The following ATP9B variants were observed in gnomAD, a reference collection of about 807,000 sequenced individuals.
The protein encoded by ATP9B is ATPase phospholipid transporting 9B, also known as probable phospholipid-transporting ATPase IIB.
A neutral mutation model predicts 146.1 loss-of-function variants in ATP9B; 110 were observed. That is an observed-to-expected ratio of 0.75 (90% CI 0.65 to 0.88). The LOEUF (loss-of-function observed/expected upper bound fraction) is 0.88. Among genes scored for constraint, ATP9B ranks in the 40% least tolerant of loss-of-function variants. The pLI, the probability that ATP9B is intolerant of heterozygous loss-of-function variation, is 0.00. For synonymous variants in ATP9B, 604 were observed against 569.7 expected, an observed-to-expected ratio of 1.06 and a Z score of -0.86; for missense variants, 1,499 against 1,496.4, an observed-to-expected ratio of 1.00 and a Z score of -0.03.
chr18:79,094,794 G>C (rs1358390705), intron 1 of ATP9B, among the ~76,000 whole-genome samples: 2 of 152,184 alleles, frequency 1.3e-5, no homozygotes, highest in Admixed American at 6.5e-5. Flanking sequence ...CCCTTGTCTT[G>C]AAACTGTGTG....
intron 6 of ATP9B, among the ~76,000 whole-genome samples, chr18:79,150,642 A>T (rs557010875): frequency 3.3e-4 from 51 of 152,328 alleles, no homozygotes; most frequent in African/African-American, 1.1e-3. Context: ...TGAGTACTCC[A>T]TAGAAAATAA....
chr18:79,307,289 T>C (rs1479345471), intron 15 of ATP9B, 55 bp downstream of exon 15: 1 of 1,604,712 alleles, frequency 6.2e-7, no homozygotes, highest in Admixed American at 1.7e-5. Flanking sequence ...GACTCCAGAG[T>C]CATGAGGATT....
chr18:79,155,538 A>G (rs1404368960), intron 7 of ATP9B, among the ~76,000 whole-genome samples: 3 of 152,148 alleles, frequency 2.0e-5, no homozygotes, highest in African/African-American at 4.8e-5. Flanking sequence ...TTTCTGCCCT[A>G]CATTCCTGAC....
At chr18:79,344,452 C>T in intron 21 of ATP9B, 98 bp downstream of exon 21, 1 of 1,056,076 alleles carries the variant, frequency 9.5e-7, no homozygotes, top group Non-Finnish European at 1.4e-6. Context: ...CAAGGCTGGA[C>T]CCTGAGTGAG....
intron 2 of ATP9B, among the ~76,000 whole-genome samples, 164 bp downstream of exon 2, chr18:79,096,813 TATGAA>T (rs1446538633): frequency 6.6e-6 from 1 of 152,084 alleles, no homozygotes; most frequent in Non-Finnish European, 1.5e-5. Context: ...ACAATGCTAA[TATGAA>T]AGGAAAGGAA....
chr18:79,323,252 T>G (rs2096726067), intron 15 of ATP9B, among the ~76,000 whole-genome samples: 1 of 152,210 alleles, frequency 6.6e-6, no homozygotes, highest in Non-Finnish European at 1.5e-5. Context: ...TTGCTTCGTG[T>G]TAGTAATCCT....
intron 17 of ATP9B, among the ~76,000 whole-genome samples, chr18:79,335,199 C>A (rs2096817047): frequency 2.0e-5 from 3 of 152,214 alleles, no homozygotes; most frequent in Non-Finnish European, 4.4e-5. Flanking sequence ...CAGGCTCGTT[C>A]AAGCCTTTTA....
chr18:79,261,426 GAGA>G (rs1338764370), intron 12 of ATP9B, among the ~76,000 whole-genome samples: 1 of 152,144 alleles, frequency 6.6e-6, no homozygotes, highest in Non-Finnish European at 1.5e-5. Context: ...ATACGCCAAG[GAGA>G]AGGTGAGGTG....
In ATP9B at chr18:79,268,466, T is replaced by C. The variant is rs528837982; in HGVS notation, c.1269-8588T>C. ...TTTTATTATTTTTTTGTAATGCAAC[T>C]TTTTTCTCCAGCAGTTTAGAAGTTA... is the stretch of plus-strand genomic sequence containing the variant. On this transcript the variant is annotated intron_variant, in intron 12 of 29. Coordinates refer to ENST00000426216, the MANE Select transcript of ATP9B (RefSeq NM_198531.5). Among the ~76,000 whole-genome samples, 23 of 152,312 alleles carry C rather than the reference T, an allele frequency of 1.5e-4. 1 individual carries two copies. In the South Asian group the frequency reaches 2.5e-3, roughly 16 times the overall value.
chr18:79,222,557 C>T (rs1233968152), intron 11 of ATP9B, among the ~76,000 whole-genome samples: 2 of 152,116 alleles, frequency 1.3e-5, no homozygotes, highest in Non-Finnish European at 2.9e-5. Flanking sequence ...CCTCCCTGGA[C>T]TTTCAAAAAA....
At chr18:79,185,869 T>TA (rs1217669690) in intron 8 of ATP9B, among the ~76,000 whole-genome samples, 3 of 152,192 alleles carry the variant, frequency 2.0e-5, no homozygotes, top group African/African-American at 7.2e-5. Flanking sequence ...TGAGTAAACT[T>TA]AGAGACCTAA....
chr18:79,378,102 G>A lies in ATP9B; in HGVS notation c.*719G>A, dbSNP rs1568884974. ...TCTTTCTTTGATGTTATAACACAAA[G>A]TCATTCCTACTCAAATGTAATAAAA... On this transcript the variant is annotated 3_prime_UTR_variant, in exon 30 of 30. Transcript: ENST00000426216. 1 of 152,234 alleles carries A rather than the reference G, an allele frequency of 6.6e-6. No individual in the cohort carries two copies. The highest frequency in any genetic ancestry group is 1.5e-5 in the Non-Finnish European group (1 of 68,066). The allele number at this position is 152,234 out of a possible 1,614,324, so 9.4% of individuals were successfully genotyped here. A position where few individuals can be genotyped will look rare whatever the true frequency, so the allele number is the denominator to read the frequency against.
chr18:79,362,613 T>C (rs2096996856), intron 26 of ATP9B: 2 of 152,256 alleles, frequency 1.3e-5, no homozygotes, highest in Non-Finnish European at 2.9e-5. Flanking sequence ...ACTCTGCACA[T>C]GTCTTCATTC....
At chr18:79,348,014 T>C (rs2096900329) in intron 24 of ATP9B, 89 bp downstream of exon 24, 2 of 1,598,478 alleles carry the variant, frequency 1.3e-6, no homozygotes, top group Admixed American at 1.7e-5. Flanking sequence ...GTGGGGGTGC[T>C]GAGTGCTGCC....
chr18:79,348,290 T>A, intron 25 of ATP9B, 94 bp downstream of exon 25: 26 of 1,010,388 alleles, frequency 2.6e-5, no homozygotes, highest in Non-Finnish European at 3.6e-5. Flanking sequence ...ATATAGAAGA[T>A]TCTTGATACA....
At chr18:79,264,678 T>G (rs577246884) in intron 12 of ATP9B, among the ~76,000 whole-genome samples, 5 of 152,012 alleles carry the variant, frequency 3.3e-5, no homozygotes, top group Non-Finnish European at 5.9e-5. Context: ...TTTTGTTTTT[T>G]TTTTTGATAT....
chr18:79,311,783 G>A (rs1397299719), intron 15 of ATP9B, among the ~76,000 whole-genome samples: 2 of 152,140 alleles, frequency 1.3e-5, no homozygotes, highest in African/African-American at 4.8e-5. Flanking sequence ...TTTCTCTACA[G>A]TCCGTCGCCT....
At chr18:79,268,418 A>G (rs148917963) in intron 12 of ATP9B, among the ~76,000 whole-genome samples, 2 of 152,132 alleles carry the variant, frequency 1.3e-5, no homozygotes, top group Non-Finnish European at 2.9e-5. Context: ...TTACCTGTTC[A>G]ATATTTTTCT....
intron 13 of ATP9B, among the ~76,000 whole-genome samples, chr18:79,278,826 C>T (rs1232306634): frequency 6.6e-6 from 1 of 151,894 alleles, no homozygotes. Context: ...CTCATGAAGC[C>T]TACAGAAAAA....
Sources: gnomAD v4.1 joint callset for allele counts (sites outside exome capture counted in the v4.1 genomes callset) on GRCh38, gnomAD v4.1.1 for gene constraint, MANE v1.5 for transcripts, NCBI Gene and HGNC (gene_info 2026-07-23, HGNC 2026-07-21) for gene names.